Variants in EGFR observed in about 807,000 individuals in gnomAD.
The protein encoded by EGFR is avian erythroblastic leukemia viral (v-erb-b) oncogene homolog.
Under a neutral mutation model 143.0 loss-of-function variants are expected in EGFR, and 58 were observed. The ratio of observed to expected loss-of-function variants is 0.41; its 90% CI spans 0.33 to 0.50. The LOEUF (loss-of-function observed/expected upper bound fraction) is 0.50, where lower values mean the gene tolerates loss of function less well. Ranked by LOEUF, EGFR falls within the 20% of genes least tolerant of loss-of-function variation. The probability of loss-of-function intolerance (pLI) is 0.39; values close to 1 mark genes in which losing one functional copy is unlikely to be tolerated. For missense variants in EGFR, 1,307 were observed against 1,579.0 expected, an observed-to-expected ratio of 0.83 and a Z score of 2.92; for synonymous variants, 613 against 594.4, an observed-to-expected ratio of 1.03 and a Z score of -0.45.
At chr7:55,157,065 G>T in intron 10 of EGFR, 3 of 1,083,772 alleles carry the variant, frequency 2.8e-6, no homozygotes, top group Non-Finnish European at 3.8e-6. Context: ...TCTCCCTCCC[G>T]CCCGGCCCCA....
intron 4 of EGFR, 103 bp from the exon 5 acceptor site, chr7:55,151,191 A>G (rs1785132491): frequency 8.8e-7 from 1 of 1,137,458 alleles, no homozygotes; most frequent in Admixed American, 1.7e-5. Flanking sequence ...AGTTGAAAAG[A>G]TTGTCTTCAT....
At chr7:55,095,685 A>G (rs979366541) in intron 1 of EGFR, among the ~76,000 whole-genome samples, 2 of 151,410 alleles carry the variant, frequency 1.3e-5, no homozygotes, top group African/African-American at 4.9e-5. Context: ...AGAAATACAC[A>G]CAGACACACG....
rs1280429308 is a variant in EGFR at position 55,206,973 on chromosome 7, GA to G, written c.*1362del. 3.4e-5 allele frequency: 8 copies of G among 232,934 alleles called. No individual in the cohort carries two copies. The highest frequency in any genetic ancestry group is 3.0e-4 in the East Asian group (5 of 16,568). 14.4% of individuals were successfully genotyped at this position (232,934 alleles called of 1,614,324 possible). On this transcript the variant is annotated 3_prime_UTR_variant, in exon 28 of 28. Transcript: ENST00000275493. ...ACAACATTTGCAGATGTTTTAGAAG[GA>G]AAAAAGTTCCTTCCTAAAATAATTT... is the stretch of plus-strand genomic sequence containing the variant.
At chr7:55,115,823 A>G (rs1404483792) in intron 1 of EGFR, among the ~76,000 whole-genome samples, 2 of 152,218 alleles carry the variant, frequency 1.3e-5, no homozygotes, top group Admixed American at 6.5e-5. Context: ...GGATTGCAGA[A>G]CTGGAATGGG....
At chr7:55,027,988 A>C (rs1786999199) in intron 1 of EGFR, among the ~76,000 whole-genome samples, 2 of 87,848 alleles carry the variant, frequency 2.3e-5, no homozygotes. Context: ...AAAAAAAAAA[A>C]AAAATATATA....
chr7:55,022,414 C>A (rs1786626261), intron 1 of EGFR, among the ~76,000 whole-genome samples: 1 of 152,160 alleles, frequency 6.6e-6, no homozygotes, highest in South Asian at 2.1e-4. Flanking sequence ...CTACCCCACC[C>A]TCCCTCCTCA....
rs112338978 is a variant in EGFR, at chr7:55,026,879, A to G, written c.88+7514A>G. Among the ~76,000 whole-genome samples, 45 of 151,114 alleles carry G rather than the reference A, an allele frequency of 3.0e-4. 1 individual carries two copies. In the East Asian group the frequency reaches 5.5e-3, roughly 18 times the overall value. On this transcript the variant is annotated intron_variant, in intron 1 of 27. Transcript: ENST00000275493. ...CTCTCTTTAACTGCCAAAAAAAAAA[A>G]GGGAAAAAAAAAAGCTTTCTGCAGT...
chr7:55,174,658 C>T (rs2128954429), intron 18 of EGFR, 64 bp from the exon 19 acceptor site: 1 of 1,366,044 alleles, frequency 7.3e-7, no homozygotes, highest in Non-Finnish European at 1.0e-6. Context: ...ACCCAGATCA[C>T]TGGGCAGCAT....
At chr7:55,095,215 T>A (rs1791382788) in intron 1 of EGFR, among the ~76,000 whole-genome samples, 1 of 152,154 alleles carries the variant, frequency 6.6e-6, no homozygotes, top group Non-Finnish European at 1.5e-5. Flanking sequence ...TCACCTTCCC[T>A]CTTCTCTGCT....
rs1254890541 is a variant in EGFR, at chr7:55,165,268, A to G, written c.1723-12A>G. The G allele has an allele frequency of 6.2e-7, 1 of 1,614,102 alleles. No homozygotes were observed. The highest frequency in any genetic ancestry group is 1.3e-5 in the African/African-American group (1 of 75,062). ...GAGACATGCATGAACATTTTTCTCC[A>G]CCTTGGTGCAGGGACCAGACAACTG... On this transcript the variant is annotated splice_polypyrimidine_tract_variant and intron_variant, in intron 14 of 27. Transcript: ENST00000275493.
chr7:55,048,706 T>C (rs780132190), intron 1 of EGFR, among the ~76,000 whole-genome samples: 13 of 152,174 alleles, frequency 8.5e-5, no homozygotes, highest in Non-Finnish European at 1.5e-4. Context: ...CCAGGAACAT[T>C]GAATGAGAGA....
chr7:55,096,017 G>A (rs529011076), intron 1 of EGFR, among the ~76,000 whole-genome samples: 1 of 151,808 alleles, frequency 6.6e-6, no homozygotes, highest in South Asian at 2.1e-4. Context: ...AGGCACACAC[G>A]TGCAGATAAG....
intron 1 of EGFR, among the ~76,000 whole-genome samples, chr7:55,094,666 A>G (rs747867055): frequency 9.9e-5 from 15 of 152,246 alleles, no homozygotes; most frequent in African/African-American, 1.4e-4. Flanking sequence ...GGATACTCCA[A>G]GACTTTGCAT....
chr7:55,028,263 G>A (rs1028577955), intron 1 of EGFR, among the ~76,000 whole-genome samples: 4 of 151,778 alleles, frequency 2.6e-5, no homozygotes, highest in Non-Finnish European at 5.9e-5. Flanking sequence ...CCAGGTTTTG[G>A]ATAAAATTGA....
intron 1 of EGFR, among the ~76,000 whole-genome samples, chr7:55,076,571 A>C (rs964285986): frequency 6.6e-6 from 1 of 152,176 alleles, no homozygotes; most frequent in Non-Finnish European, 1.5e-5. Flanking sequence ...ATACACACCA[A>C]CCAAAAGTAG....
intron 1 of EGFR, among the ~76,000 whole-genome samples, chr7:55,053,469 T>C (rs1788608569): frequency 6.6e-6 from 1 of 152,266 alleles, no homozygotes; most frequent in Non-Finnish European, 1.5e-5. Context: ...CCTTGGTGTC[T>C]CTGGGCCTTC....
chr7:55,028,691 G>C (rs546670295), intron 1 of EGFR, among the ~76,000 whole-genome samples: 1 of 152,050 alleles, frequency 6.6e-6, no homozygotes, highest in Non-Finnish European at 1.5e-5. Context: ...TTTTAAGTTT[G>C]TTCTAGTGCT....
chr7:55,132,931 C>T (rs887425204), intron 1 of EGFR, among the ~76,000 whole-genome samples: 2 of 152,204 alleles, frequency 1.3e-5, no homozygotes, highest in Admixed American at 1.3e-4. Flanking sequence ...AAAGGGTCAT[C>T]ATGCAACCTC....
chr7:55,190,095 C>T (rs1420538353), intron 20 of EGFR, among the ~76,000 whole-genome samples: 3 of 152,130 alleles, frequency 2.0e-5, no homozygotes, highest in Admixed American at 6.5e-5. Context: ...TGGGCCAGTC[C>T]TCTTTTGGGA....
Sources: allele counts gnomAD v4.1 joint callset (sites outside exome capture counted in the v4.1 genomes callset), GRCh38; gene constraint gnomAD v4.1.1; transcripts MANE v1.5; gene names NCBI Gene and HGNC (gene_info 2026-07-23, HGNC 2026-07-21).